Variants in PTPRR observed in about 807,000 individuals in gnomAD.
The protein encoded by PTPRR is receptor-type tyrosine-protein phosphatase R.
In PTPRR, 38 loss-of-function variants were observed where a neutral mutation model predicts 77.2. The observed-to-expected ratio is 0.49, with a 90% CI of 0.38 to 0.65. The LOEUF is 0.65. Among genes scored for constraint, PTPRR ranks in the 30% least tolerant of loss-of-function variants. The probability of loss-of-function intolerance (pLI) is 0.00; values close to 1 mark genes in which losing one functional copy is unlikely to be tolerated. For synonymous variants in PTPRR, 299 were observed against 283.1 expected (o/e 1.06, Z -0.57); for missense variants, 744 against 799.2 (o/e 0.93, Z 0.83).
rs1177814909 is a variant in PTPRR, at chr12:70,692,344, G to A, written c.1279+5921C>T. On this transcript the variant is annotated intron_variant, in intron 8 of 13. Coordinates refer to ENST00000283228, the MANE Select transcript of PTPRR (RefSeq NM_002849.4). ...GATGAAAATATTATCTATCTGTGCT[G>A]TCCAAAAAATGTAGCCTCTAGCTTT... Among the ~76,000 whole-genome samples the A allele has an allele frequency of 3.9e-5, 6 of 152,236 alleles. No homozygotes were observed. The East Asian group carries it at 1.2e-3, about 29-fold the overall frequency.
At chr12:70,731,050 CAG>C (rs149551682) in intron 6 of PTPRR, among the ~76,000 whole-genome samples, 45 of 54,974 alleles carry the variant, frequency 8.2e-4, no homozygotes, top group Non-Finnish European at 1.2e-3. Context: ...AGGAAGGAGA[CAG>C]AGAGGAAGGA....
chr12:70,799,675 C>A (rs1425285592), intron 2 of PTPRR, among the ~76,000 whole-genome samples: 1 of 152,030 alleles, frequency 6.6e-6, no homozygotes, highest in African/African-American at 2.4e-5. Flanking sequence ...CAGAAAATAT[C>A]TTTGGTGATG....
At chr12:70,863,630 T>C (rs1892790887) in intron 2 of PTPRR, among the ~76,000 whole-genome samples, 1 of 151,886 alleles carries the variant, frequency 6.6e-6, no homozygotes, top group Non-Finnish European at 1.5e-5. Context: ...GTTTTTTTTG[T>C]TTAACTGACA....
intron 10 of PTPRR, among the ~76,000 whole-genome samples, chr12:70,680,698 G>A (rs1195475588): frequency 2.0e-5 from 3 of 152,184 alleles, no homozygotes; most frequent in African/African-American, 4.8e-5. Context: ...GGATTCTCTG[G>A]GGGCAGTGTA....
intron 10 of PTPRR, among the ~76,000 whole-genome samples, chr12:70,668,837 G>A (rs548026473): frequency 1.3e-5 from 2 of 152,186 alleles, no homozygotes; most frequent in African/African-American, 4.8e-5. Flanking sequence ...CTTTTGTAAA[G>A]GCAAACATGG....
chr12:70,652,953 A>C (rs1371182054), intron 13 of PTPRR, among the ~76,000 whole-genome samples: 3 of 152,210 alleles, frequency 2.0e-5, no homozygotes, highest in Non-Finnish European at 4.4e-5. Context: ...ACAAGAGCCA[A>C]GAAAAAGAGC....
chr12:70,909,308 C>G (rs1040437565), intron 1 of PTPRR, among the ~76,000 whole-genome samples: 7 of 152,148 alleles, frequency 4.6e-5, no homozygotes, highest in African/African-American at 1.7e-4. Context: ...TACCCTCCCC[C>G]ACCACACACA....
chr12:70,737,503 T>TATCC (rs1889905959), intron 6 of PTPRR, among the ~76,000 whole-genome samples: 1 of 151,646 alleles, frequency 6.6e-6, no homozygotes, highest in South Asian at 2.1e-4. Flanking sequence ...TCTATCTATC[T>TATCC]ATCTATCTAT....
rs547345778 is a variant in PTPRR, at chr12:70,830,466, T to A, written c.357+62213A>T. Among the ~76,000 whole-genome samples, 97 of 152,320 alleles carry A rather than the reference T, an allele frequency of 6.4e-4. 1 individual carries two copies. The highest frequency in any genetic ancestry group is 2.2e-3 in the African/African-American group (93 of 41,560). On this transcript the variant is annotated intron_variant, in intron 2 of 13. Coordinates refer to ENST00000283228, the MANE Select transcript of PTPRR (RefSeq NM_002849.4). ...TTAGCTGTGCCTTGGCTGTTAAAGCTCCTGCCTGGAAATGACAAATGTCAA... is the reference window on the plus strand; with the variant it reads ...TTAGCTGTGCCTTGGCTGTTAAAGCACCTGCCTGGAAATGACAAATGTCAA...
At chr12:70,736,203 G>A (rs1889855760) in intron 6 of PTPRR, among the ~76,000 whole-genome samples, 1 of 152,146 alleles carries the variant, frequency 6.6e-6, no homozygotes, top group Admixed American at 6.5e-5. Context: ...CAGACAATGT[G>A]CTTCTAGAAT....
chr12:70,777,516 C>T (rs1296157752), intron 2 of PTPRR, among the ~76,000 whole-genome samples: 1 of 152,032 alleles, frequency 6.6e-6, no homozygotes, highest in East Asian at 1.9e-4. Context: ...TTCTCATAAC[C>T]TCCCAGTTTT....
chr12:70,892,951 A>T lies in PTPRR; in HGVS notation c.85T>A (p.Phe29Ile). ...AGCFSGNNDHFLAINQKKSGK... is the reference protein window; with the variant it reads ...AGCFSGNNDHILAINQKKSGK... ...CTCTTCTTCTGATTAATTGCCAAAA[A>T]ATGATCATTGTTTCCTGAAAAGCAC... Residue 29 changes from phenylalanine to isoleucine, a missense_variant, in exon 2 of 14, where the codon TTT becomes ATT. Physicochemically the swap from Phe to Ile is conservative, Grantham distance 21. Around this residue, in one of 3 missense-constraint regions of PTPRR, gnomAD observed 570 missense variants for 573.2 expected, o/e 0.99. Transcript: ENST00000283228. 6.2e-7 allele frequency: 1 copy of T among 1,612,968 alleles called. No individual in the cohort carries two copies. Among genetic ancestry groups the T allele is most frequent in the Non-Finnish European group, 8.5e-7 (1 of 1,179,260 alleles).
chr12:70,675,262 T>C (rs1887401141), intron 10 of PTPRR, among the ~76,000 whole-genome samples: 1 of 152,078 alleles, frequency 6.6e-6, no homozygotes. Context: ...TAATCTCTGA[T>C]ATTTAATTTG....
chr12:70,815,099 G>C (rs1283679854), intron 2 of PTPRR, among the ~76,000 whole-genome samples: 2 of 134,072 alleles, frequency 1.5e-5, no homozygotes, highest in Non-Finnish European at 3.1e-5. Flanking sequence ...ATAAGTAGAA[G>C]AAAGTCTGAA....
At chr12:70,712,313 G>A (rs960204145) in intron 6 of PTPRR, among the ~76,000 whole-genome samples, 1 of 151,754 alleles carries the variant, frequency 6.6e-6, no homozygotes. Flanking sequence ...TCATGTTATC[G>A]GTGATGCCTA....
chr12:70,840,155 T>C (rs1291768019), intron 2 of PTPRR, among the ~76,000 whole-genome samples: 1 of 152,134 alleles, frequency 6.6e-6, no homozygotes, highest in East Asian at 1.9e-4. Context: ...AATCAAAGTA[T>C]CACTGGGGCC....
chr12:70,878,505 C>T (rs1431270013), intron 2 of PTPRR, among the ~76,000 whole-genome samples: 1 of 152,202 alleles, frequency 6.6e-6, no homozygotes, highest in Non-Finnish European at 1.5e-5. Flanking sequence ...AAAAAATGCT[C>T]ATCATCACTG....
rs569453471 is a variant in PTPRR at position 70,785,236 on chromosome 12, A to G, written c.358-20458T>C. The stretch of plus-strand genomic sequence containing the variant: ...TCTTCATTTTTACCACTACCAATTA[A>G]ATATTAATATTGAAACAAAGCCAAA... On this transcript the variant is annotated intron_variant, in intron 2 of 13. Coordinates refer to ENST00000283228, the MANE Select transcript of PTPRR (RefSeq NM_002849.4). 1.9e-3 allele frequency among the ~76,000 whole-genome samples: 291 copies of G among 152,252 alleles called. 1 individual carries two copies. The highest frequency in any genetic ancestry group is 4.2e-3 in the South Asian group (20 of 4,814).
At chr12:70,740,899 C>CACAT (rs555720473) in intron 6 of PTPRR, among the ~76,000 whole-genome samples, 5 of 151,622 alleles carry the variant, frequency 3.3e-5, no homozygotes, top group African/African-American at 1.2e-4. Flanking sequence ...TTAGAACACA[C>CACAT]ATATATATAT....
Sources: gnomAD v4.1 joint callset for allele counts (sites outside exome capture counted in the v4.1 genomes callset) on GRCh38, gnomAD v4.1.1 for gene constraint, gnomAD v4.1.1 regional missense constraint, MANE v1.5 for transcripts, NCBI Gene and HGNC (gene_info 2026-07-23, HGNC 2026-07-21) for gene names.